TM4SF19: variants seen among roughly 807,000 people sequenced by gnomAD.
TM4SF19 encodes transmembrane 4 L six family member 19.
In TM4SF19, 17 loss-of-function variants were observed where a neutral mutation model predicts 21.8. The ratio of observed to expected loss-of-function variants is 0.78; its 90% CI spans 0.53 to 1.17. TM4SF19 has a LOEUF of 1.17. Among genes scored for constraint, TM4SF19 ranks in the 50% most tolerant of loss-of-function variants. The pLI is 0.00. For missense variants in TM4SF19, 216 were observed against 252.1 expected (o/e 0.86, Z 0.97); for synonymous variants, 107 against 106.7 (o/e 1.00, Z -0.02).
At chr3:196,327,964 C>G (rs78864681) in intron 1 of TM4SF19, among the ~76,000 whole-genome samples, 1 of 151,952 alleles carries the variant, frequency 6.6e-6, no homozygotes, top group Non-Finnish European at 1.5e-5. Flanking sequence ...CAGTGCAATA[C>G]GAAAATAAAA....
intron 1 of TM4SF19, among the ~76,000 whole-genome samples, chr3:196,332,303 A>G (rs1176480944): frequency 1.3e-5 from 2 of 150,548 alleles, no homozygotes; most frequent in African/African-American, 4.9e-5. Flanking sequence ...AATCCAAGCT[A>G]CTCAGGAGCT....
intron 1 of TM4SF19, among the ~76,000 whole-genome samples, chr3:196,335,716 C>T (rs922899936): frequency 6.6e-6 from 1 of 151,950 alleles, no homozygotes; most frequent in Non-Finnish European, 1.5e-5. Context: ...GGGAGCAGGG[C>T]GCCTGTGGAG....
chr3:196,324,479 G>A (rs770782989), intron 3 of TM4SF19, 39 bp from the exon 4 acceptor site: 40 of 1,606,004 alleles, frequency 2.5e-5, no homozygotes, highest in East Asian at 4.5e-5. Context: ...AGACGGGGTC[G>A]CAGCTGGGGA....
chr3:196,336,393 C>G (rs931851556), intron 1 of TM4SF19, among the ~76,000 whole-genome samples: 2 of 152,162 alleles, frequency 1.3e-5, no homozygotes, highest in African/African-American at 4.8e-5. Flanking sequence ...CTACCTTGGC[C>G]TCCTAAAGTG....
intron 1 of TM4SF19, among the ~76,000 whole-genome samples, chr3:196,331,356 G>C (rs1691405455): frequency 6.6e-6 from 1 of 151,068 alleles, no homozygotes; most frequent in Non-Finnish European, 1.5e-5. Context: ...TGTCAATGTG[G>C]ATCTGAAAAA....
chr3:196,337,330 G>A (rs1560207880), intron 1 of TM4SF19, among the ~76,000 whole-genome samples: 1 of 152,124 alleles, frequency 6.6e-6, no homozygotes, highest in Non-Finnish European at 1.5e-5. Flanking sequence ...GAGCAGGGCG[G>A]GAGAGGGCCT....
intron 4 of TM4SF19, 43 bp downstream of exon 4, chr3:196,324,228 C>G: frequency 1.9e-6 from 3 of 1,600,670 alleles, no homozygotes; most frequent in Non-Finnish European, 2.6e-6. Flanking sequence ...CTCTCTCTCT[C>G]TCTCTGTCTG....
intron 1 of TM4SF19, among the ~76,000 whole-genome samples, chr3:196,334,045 A>G (rs957350670): frequency 5.3e-5 from 8 of 152,068 alleles, no homozygotes; most frequent in African/African-American, 1.7e-4. Flanking sequence ...TGGACCACAG[A>G]TCGAGACTCC....
At chr3:196,330,450 G>T (rs1700049505) in intron 1 of TM4SF19, among the ~76,000 whole-genome samples, 1 of 152,126 alleles carries the variant, frequency 6.6e-6, no homozygotes, top group Non-Finnish European at 1.5e-5. Context: ...AAAAATTTGT[G>T]ATTACTCAAA....
intron 4 of TM4SF19, 87 bp downstream of exon 4, chr3:196,324,184 A>G: frequency 6.6e-7 from 1 of 1,525,238 alleles, no homozygotes; most frequent in East Asian, 2.3e-5. Flanking sequence ...GTGTGACCCA[A>G]AGGAGCTTGT....
chr3:196,324,126 T>C (rs1209568732), intron 4 of TM4SF19, 129 bp from the exon 5 acceptor site: 4 of 1,427,050 alleles, frequency 2.8e-6, no homozygotes, highest in Non-Finnish European at 3.9e-6. Flanking sequence ...TGACCGTTAC[T>C]GCTCCATTTG....
At chr3:196,324,666 G>A in intron 3 of TM4SF19, 2 of 538,160 alleles carry the variant, frequency 3.7e-6, no homozygotes, top group Admixed American at 3.3e-5. Context: ...GGCCGTGAGG[G>A]GTTTCTAGGA....
intron 1 of TM4SF19, among the ~76,000 whole-genome samples, chr3:196,337,200 T>G (rs1462130253): frequency 1.3e-5 from 2 of 151,876 alleles, no homozygotes; most frequent in Non-Finnish European, 2.9e-5. Flanking sequence ...TAGCTGGAAT[T>G]ACAGGCATGC....
intron 3 of TM4SF19, chr3:196,324,799 AAAG>A (rs936171142): frequency 3.1e-5 from 6 of 192,510 alleles, no homozygotes; most frequent in East Asian, 1.3e-4. Flanking sequence ...CCTCTGAGCT[AAAG>A]AAGAAGCTAC....
intron 1 of TM4SF19, among the ~76,000 whole-genome samples, chr3:196,334,817 GA>G (rs71161918): frequency 0.043 from 4,414 of 103,552 alleles, 220 homozygotes; most frequent in Non-Finnish European, 0.068. Context: ...GGGTAGGAGA[GA>G]GGAAGGGTGC....
intron 1 of TM4SF19, among the ~76,000 whole-genome samples, chr3:196,337,710 A>G (rs1422855374): frequency 6.6e-6 from 1 of 152,196 alleles, no homozygotes; most frequent in East Asian, 1.9e-4. Context: ...GTCTAACAGC[A>G]CATTTGGGTG....
chr3:196,326,360 A>G (rs1727289194), intron 3 of TM4SF19, among the ~76,000 whole-genome samples: 1 of 151,478 alleles, frequency 6.6e-6, no homozygotes, highest in Admixed American at 6.6e-5. Flanking sequence ...TGGAGTTACC[A>G]TAAGGCCACA....
At chr3:196,336,218 T>C (rs1727755890) in intron 1 of TM4SF19, among the ~76,000 whole-genome samples, 1 of 152,014 alleles carries the variant, frequency 6.6e-6, no homozygotes. Context: ...AGCTCACTGC[T>C]ACCTCCGCCT....
rs566959047 is a variant in TM4SF19 at position 196,333,444 on chromosome 3, GTGAA to G, written c.-2+4816_-2+4819del. Among the ~76,000 whole-genome samples, 17 of 152,312 alleles carry G rather than the reference GTGAA, an allele frequency of 1.1e-4. 1 individual carries two copies. The South Asian group carries it at 3.5e-3, about 32-fold the overall frequency. On this transcript the variant is annotated intron_variant, in intron 1 of 4. Coordinates refer to ENST00000273695, the MANE Select transcript of TM4SF19 (RefSeq NM_138461.4). ...AACAACATACTGTAATGAAAGTTAT[GTGAA>G]TGTGGTCTTTCTCATTGAAAATATT...
Sources: allele counts gnomAD v4.1 joint callset (sites outside exome capture counted in the v4.1 genomes callset), GRCh38; gene constraint gnomAD v4.1.1; transcripts MANE v1.5; gene names NCBI Gene and HGNC (gene_info 2026-07-23, HGNC 2026-07-21).